PI4KA: variants seen among roughly 807,000 people sequenced by gnomAD.
The protein encoded by PI4KA is PI4-kinase alpha.
Under a neutral mutation model 271.4 loss-of-function variants are expected in PI4KA, and 122 were observed. That is an observed-to-expected ratio of 0.45 (90% CI 0.39 to 0.52). The LOEUF (loss-of-function observed/expected upper bound fraction) is 0.52, where lower values mean the gene tolerates loss of function less well. Ranked by LOEUF, PI4KA falls within the 20% of genes least tolerant of loss-of-function variation. PI4KA has a pLI of 0.00. For missense variants in PI4KA, 1,969 were observed against 2,769.1 expected (o/e 0.71, Z 6.48); for synonymous variants, 1,041 against 1,078.8 (o/e 0.96, Z 0.69).
chr22:20,793,092 A>G (rs1934752541), intron 19 of PI4KA, 101 bp downstream of exon 19: 2 of 783,254 alleles, frequency 2.6e-6, no homozygotes, highest in Non-Finnish European at 4.6e-6. Context: ...AGGGGCCTCA[A>G]CACTGCACCT....
intron 43 of PI4KA, 125 bp from the exon 44 acceptor site, chr22:20,718,947 C>A (rs774129418): frequency 6.2e-6 from 6 of 974,470 alleles, no homozygotes; most frequent in Non-Finnish European, 9.3e-6. Context: ...CTTGGTGAGA[C>A]CATAACAGCT....
intron 19 of PI4KA, chr22:20,779,298 T>TTTAG: frequency 6.2e-7 from 1 of 1,614,128 alleles, no homozygotes. Context: ...CCCTCCCAGC[T>TTTAG]TTAGCTCCGC....
chr22:20,806,986 T>C (rs1033496797), intron 10 of PI4KA, among the ~76,000 whole-genome samples: 6 of 152,108 alleles, frequency 3.9e-5, no homozygotes, highest in Admixed American at 1.3e-4. Flanking sequence ...CAGCCCACCT[T>C]GTCCTCCCAA....
chr22:20,744,831 C>T lies in PI4KA; in HGVS notation c.3364-111G>A, dbSNP rs1276672546. ...CAGTCACACTCGGGTCTGGGGGTTA[C>T]TATTAATAAAAATCTTCACTGCTGG... On this transcript the variant is annotated intron_variant, in intron 29 of 54. Transcript: ENST00000255882. The T allele has an allele frequency of 9.8e-6, 7 of 715,102 alleles. No individual in the cohort carries two copies. The South Asian group carries it at 1.5e-4, about 15-fold the overall frequency. The allele number at this position is 715,102 out of a possible 1,614,324, so 44.3% of individuals were successfully genotyped here.
intron 7 of PI4KA, among the ~76,000 whole-genome samples, chr22:20,817,516 C>G (rs1159005181): frequency 6.6e-6 from 1 of 151,576 alleles, no homozygotes; most frequent in Non-Finnish European, 1.5e-5. Flanking sequence ...CAGGCGTTCC[C>G]TTGAGCCTAG....
At position 20,730,018 on chromosome 22, in the gene PI4KA, G is replaced by T. The variant is rs779182225; in HGVS notation, c.4289-7C>A. 1.1e-5 allele frequency: 18 copies of T among 1,613,848 alleles called. No individual in the cohort carries two copies. Among genetic ancestry groups the T allele is most frequent in the Admixed American group, 3.3e-5 (2 of 59,948 alleles). ...CTCCGGGTGTCCTGATTATCTGAGG[G>T]CAAACACATTGTTGATTCTAGAGTG... On this transcript the variant is annotated splice_region_variant and splice_polypyrimidine_tract_variant and intron_variant, in intron 36 of 54. Transcript: ENST00000255882.
At chr22:20,810,410 G>T (rs924181569) in intron 9 of PI4KA, among the ~76,000 whole-genome samples, 1 of 151,996 alleles carries the variant, frequency 6.6e-6, no homozygotes, top group Non-Finnish European at 1.5e-5. Context: ...TTAGGAAGCG[G>T]AGGTAGGAGA....
intron 36 of PI4KA, 51 bp from the exon 37 acceptor site, chr22:20,730,062 T>A (rs371387274): frequency 6.3e-7 from 1 of 1,598,618 alleles, no homozygotes; most frequent in South Asian, 1.1e-5. Flanking sequence ...CAAGAAAAGG[T>A]ACCACAAAAA....
intron 7 of PI4KA, among the ~76,000 whole-genome samples, chr22:20,814,407 T>C (rs1025449917): frequency 2.6e-5 from 4 of 152,206 alleles, no homozygotes; most frequent in African/African-American, 4.8e-5. Context: ...ATTGTAGTGA[T>C]AGTTGCACAA....
chr22:20,784,329 A>G, intron 19 of PI4KA: 2 of 1,577,190 alleles, frequency 1.3e-6, no homozygotes, highest in Non-Finnish European at 1.7e-6. Flanking sequence ...CATTTTTTTA[A>G]AAAGGGAGAA....
At chr22:20,724,817 C>T (rs1332055576) in intron 42 of PI4KA, among the ~76,000 whole-genome samples, 1 of 151,910 alleles carries the variant, frequency 6.6e-6, no homozygotes, top group African/African-American at 2.4e-5. Flanking sequence ...TTATGCTAGG[C>T]CTGTATGCAA....
chr22:20,811,944 C>A (rs965774344), intron 8 of PI4KA, among the ~76,000 whole-genome samples: 1 of 138,008 alleles, frequency 7.2e-6, no homozygotes, highest in African/African-American at 2.7e-5. Context: ...ACCTGGGAGG[C>A]GGAGCTTGCA....
At chr22:20,783,002 C>A (rs1933917125) in intron 19 of PI4KA, among the ~76,000 whole-genome samples, 1 of 152,150 alleles carries the variant, frequency 6.6e-6, no homozygotes, top group Non-Finnish European at 1.5e-5. Context: ...CTTTGTGCCT[C>A]TGTTTCCTCA....
intron 19 of PI4KA, among the ~76,000 whole-genome samples, chr22:20,784,508 T>C (rs182746653): frequency 2.0e-3 from 305 of 152,262 alleles, no homozygotes; most frequent in Non-Finnish European, 3.3e-3. Flanking sequence ...GCTTGGTGCT[T>C]GCTTTGTGGC....
intron 23 of PI4KA, among the ~76,000 whole-genome samples, chr22:20,756,638 A>AT (rs368359062): frequency 7.5e-5 from 11 of 147,242 alleles, no homozygotes; most frequent in Middle Eastern, 3.7e-3. Context: ...ATTAAAAAAA[A>AT]TTTTTTTTTT....
chr22:20,709,774 AC>A lies in PI4KA; in HGVS notation c.6173+133del, dbSNP rs1403370532. ...TCTAGGGGCAGAGCCTCACCCAAGAACCCTGTCTGCTCTGAGGTTCCAAGGA... is the reference window on the plus strand; with the variant it reads ...TCTAGGGGCAGAGCCTCACCCAAGAACCTGTCTGCTCTGAGGTTCCAAGGA... On this transcript the variant is annotated intron_variant, in intron 53 of 54. Coordinates refer to ENST00000255882, the MANE Select transcript of PI4KA (RefSeq NM_058004.4). 2 of 636,940 alleles carry A rather than the reference AC, an allele frequency of 3.1e-6. 1 individual carries two copies. The highest frequency in any genetic ancestry group is 5.7e-6 in the Non-Finnish European group (2 of 351,364). The allele number at this position is 636,940 out of a possible 1,614,324, so 39.5% of individuals were successfully genotyped here. A position where few individuals can be genotyped will look rare whatever the true frequency, so the allele number is the denominator to read the frequency against.
At chr22:20,850,374 A>C (rs920497759) in intron 1 of PI4KA, among the ~76,000 whole-genome samples, 5 of 152,070 alleles carry the variant, frequency 3.3e-5, no homozygotes, top group Non-Finnish European at 5.9e-5. Flanking sequence ...AATACAAAAA[A>C]TTAGCTGACT....
chr22:20,787,330 C>T (rs1371152521), intron 19 of PI4KA: 1 of 498,090 alleles, frequency 2.0e-6, no homozygotes, highest in East Asian at 3.8e-5. Context: ...CACCTCCCCA[C>T]TCTTCACAGC....
At position 20,810,849 on chromosome 22, in the gene PI4KA, G is replaced by A. The variant is rs143979267; in HGVS notation, c.1071+118C>T. On this transcript the variant is annotated intron_variant, in intron 9 of 54. Coordinates refer to ENST00000255882, the MANE Select transcript of PI4KA (RefSeq NM_058004.4). ...GGTGGATTGTTACCACATGAACAAG[G>A]AAAGTGAAAACACTGCAAAACCCCT... is the stretch of plus-strand genomic sequence containing the variant. 28 of 792,168 alleles carry A rather than the reference G, an allele frequency of 3.5e-5. 1 individual carries two copies. The highest frequency in any genetic ancestry group is 3.4e-4 in the African/African-American group (20 of 59,098). 49.1% of individuals were successfully genotyped at this position (792,168 alleles called of 1,614,324 possible).
Sources: allele counts gnomAD v4.1 joint callset (sites outside exome capture counted in the v4.1 genomes callset), GRCh38; gene constraint gnomAD v4.1.1; transcripts MANE v1.5; gene names NCBI Gene and HGNC (gene_info 2026-07-23, HGNC 2026-07-21).